SH3GL3: variants seen among roughly 807,000 people sequenced by gnomAD.
The protein encoded by SH3GL3 is SH3 domain containing GRB2 like 3, endophilin A3.
A neutral mutation model predicts 47.7 loss-of-function variants in SH3GL3; 33 were observed. The observed-to-expected ratio is 0.69, with a 90% CI of 0.52 to 0.92. The LOEUF (loss-of-function observed/expected upper bound fraction) is 0.92. Among genes scored for constraint, SH3GL3 ranks in the 40% least tolerant of loss-of-function variants. SH3GL3 has a pLI of 0.00. For synonymous variants in SH3GL3, 155 were observed against 148.8 expected (o/e 1.04, Z -0.30); for missense variants, 363 against 417.8 (o/e 0.87, Z 1.14).
At chr15:83,558,636 G>C (rs917683855) in intron 1 of SH3GL3, among the ~76,000 whole-genome samples, 1 of 152,120 alleles carries the variant, frequency 6.6e-6, no homozygotes, top group Non-Finnish European at 1.5e-5. Context: ...CAATAAAGCC[G>C]AGGCTGAGAA....
At chr15:83,605,542 C>G (rs1020414911) in intron 8 of SH3GL3, among the ~76,000 whole-genome samples, 8 of 151,916 alleles carry the variant, frequency 5.3e-5, no homozygotes, top group Admixed American at 5.2e-4. Context: ...TTCATCATTT[C>G]TTCTTTCTAA....
intron 1 of SH3GL3, among the ~76,000 whole-genome samples, chr15:83,547,159 T>C (rs2044441086): frequency 6.6e-6 from 1 of 152,190 alleles, no homozygotes. Flanking sequence ...CTAGACTGCC[T>C]TTCAAGTTTA....
At chr15:83,513,345 TG>T (rs2042846408) in intron 1 of SH3GL3, among the ~76,000 whole-genome samples, 1 of 152,192 alleles carries the variant, frequency 6.6e-6, no homozygotes, top group Non-Finnish European at 1.5e-5. Flanking sequence ...AGATAAGGCA[TG>T]GTGTCAAGAG....
chr15:83,512,926 T>C (rs1394419850), intron 1 of SH3GL3, among the ~76,000 whole-genome samples: 4 of 152,246 alleles, frequency 2.6e-5, no homozygotes, highest in Admixed American at 2.6e-4. Context: ...TCTCTTTCTT[T>C]TTCCTTCTAA....
Position 83,540,573 on chromosome 15 carries a change from T to C in SH3GL3, c.46-18680T>C, listed in dbSNP as rs368217672. Among the ~76,000 whole-genome samples, 126 of 152,286 alleles carry C rather than the reference T, an allele frequency of 8.3e-4. 1 individual carries two copies. In the South Asian group the frequency reaches 0.011, roughly 14 times the overall value. On this transcript the variant is annotated intron_variant, in intron 1 of 8. Transcript: ENST00000427482. ...GTATAAAAGTCTATTTTGTAGGATA[T>C]TAGTATAGATTCTAAAGGTTTTTAT...
chr15:83,588,673 C>A lies in SH3GL3; in HGVS notation c.740C>A (p.Ala247Glu). ...GATGTGTGTTACAGAATATCAGCTG[C>A]ATCCAGTGTCCCCAGACGAGAATAC... ...QSKLQMRISA[A>E]SSVPRREYKP... Residue 247 changes from alanine (A) to glutamate (E), a missense_variant, in exon 8 of 9, where the codon GCA becomes GAA. Coordinates refer to ENST00000427482, the MANE Select transcript of SH3GL3 (RefSeq NM_003027.5). 1 of 1,602,832 alleles carries A rather than the reference C, an allele frequency of 6.2e-7. No homozygotes were observed. The highest frequency in any genetic ancestry group is 8.5e-7 in the Non-Finnish European group (1 of 1,169,720).
chr15:83,522,166 T>C (rs983405666), intron 1 of SH3GL3, among the ~76,000 whole-genome samples: 3 of 152,084 alleles, frequency 2.0e-5, no homozygotes, highest in African/African-American at 4.8e-5. Flanking sequence ...TTTGAGAGTA[T>C]ATGCAGTTTC....
chr15:83,547,536 G>T (rs1341068107), intron 1 of SH3GL3, among the ~76,000 whole-genome samples: 8 of 152,180 alleles, frequency 5.3e-5, no homozygotes, highest in Non-Finnish European at 7.3e-5. Context: ...ATCAGGTGCT[G>T]TGATTGCTCA....
intron 8 of SH3GL3, among the ~76,000 whole-genome samples, chr15:83,616,295 C>A (rs1278547593): frequency 1.3e-5 from 2 of 149,974 alleles, no homozygotes; most frequent in East Asian, 3.9e-4. Flanking sequence ...CTCTGTCCCC[C>A]AGGCTGGAGT....
intron 1 of SH3GL3, among the ~76,000 whole-genome samples, chr15:83,473,825 A>G (rs545647402): frequency 1.2e-4 from 18 of 147,668 alleles, no homozygotes; most frequent in Admixed American, 6.7e-4. Context: ...GGGATTACAG[A>G]CGTGAGCCAC....
rs145576250 is a variant in SH3GL3 at position 83,574,854 on chromosome 15, C to T, written c.466-1729C>T. ...CTGGCTGTCACCTCACCCCTCAGCT[C>T]GGATGTGCTTTCCTTTGGGAAGCTG... On this transcript the variant is annotated intron_variant, in intron 5 of 8. Transcript: ENST00000427482. Among the ~76,000 whole-genome samples the T allele has an allele frequency of 3.3e-5, 5 of 152,302 alleles. No homozygotes were observed. In the East Asian group the frequency reaches 5.8e-4, roughly 18 times the overall value.
intron 1 of SH3GL3, among the ~76,000 whole-genome samples, chr15:83,542,351 A>G (rs941230510): frequency 6.6e-6 from 1 of 152,108 alleles, no homozygotes; most frequent in African/African-American, 2.4e-5. Context: ...TTATGTCAGT[A>G]TCATGCTGTT....
chr15:83,617,686 A>G (rs2060862218), intron 8 of SH3GL3, among the ~76,000 whole-genome samples: 1 of 152,134 alleles, frequency 6.6e-6, no homozygotes, highest in Non-Finnish European at 1.5e-5. Context: ...AAAAATAGAT[A>G]AATAAATAAA....
chr15:83,621,582 TAATGAA>T (rs1461450088), downstream of SH3GL3, among the ~76,000 whole-genome samples: 1 of 152,260 alleles, frequency 6.6e-6, no homozygotes, highest in East Asian at 1.9e-4. Flanking sequence ...ACCGATATGA[TAATGAA>T]AAAGTTTAAT....
At chr15:83,503,279 C>T (rs191343304) in intron 1 of SH3GL3, among the ~76,000 whole-genome samples, 1 of 152,188 alleles carries the variant, frequency 6.6e-6, no homozygotes, top group Admixed American at 6.5e-5. Flanking sequence ...ATTACATTTA[C>T]ATATGTTCAT....
At chr15:83,548,998 A>G (rs945938940) in intron 1 of SH3GL3, among the ~76,000 whole-genome samples, 1 of 152,000 alleles carries the variant, frequency 6.6e-6, no homozygotes, top group East Asian at 1.9e-4. Flanking sequence ...GATACTTTCT[A>G]CTGACTGAAC....
chr15:83,588,721 G>T lies in SH3GL3; in HGVS notation c.788G>T (p.Ser263Ile). 2 of 1,613,102 alleles carry T rather than the reference G, an allele frequency of 1.2e-6. No individual in the cohort carries two copies. The highest frequency in any genetic ancestry group is 2.2e-5 in the South Asian group (2 of 91,058). The change falls in exon 8 of 9, where the codon AGT (serine) becomes ATT (isoleucine). Residue 263 changes from serine (S) to isoleucine (I), a missense_variant. Ser to Ile is a moderately radical substitution (Grantham distance 142). Transcript: ENST00000427482. ...REYKPRPVKRSSSELNGVSTT... is the reference protein window; with the variant it reads ...REYKPRPVKRISSELNGVSTT... ...TACAAGCCAAGGCCTGTGAAAAGGA[G>T]TTCTAGTGAGCTCAATGGAGTTTCC...
At chr15:83,474,587 G>A (rs2041007285) in intron 1 of SH3GL3, among the ~76,000 whole-genome samples, 1 of 151,768 alleles carries the variant, frequency 6.6e-6, no homozygotes, top group Non-Finnish European at 1.5e-5. Context: ...CTTTTTCTCA[G>A]TTTTTGAATA....
chr15:83,491,952 A>G (rs1220727637), intron 1 of SH3GL3, among the ~76,000 whole-genome samples: 1 of 152,176 alleles, frequency 6.6e-6, no homozygotes, highest in Non-Finnish European at 1.5e-5. Context: ...TTTCTTGCCA[A>G]AAAATAGAAT....
Sources: allele counts gnomAD v4.1 joint callset (sites outside exome capture counted in the v4.1 genomes callset), GRCh38; gene constraint gnomAD v4.1.1; transcripts MANE v1.5; gene names NCBI Gene and HGNC (gene_info 2026-07-23, HGNC 2026-07-21).